Variants in HERC3 observed in about 807,000 individuals in gnomAD.
The protein encoded by HERC3 is HECT and RLD domain containing E3 ubiquitin protein ligase 3.
In HERC3, 58 loss-of-function variants were observed where a neutral mutation model predicts 129.9. The ratio of observed to expected loss-of-function variants is 0.45; its 90% CI spans 0.36 to 0.56. The LOEUF is 0.56. HERC3 is among the 20% of genes least tolerant of loss of function. The pLI, the probability that HERC3 is intolerant of heterozygous loss-of-function variation, is 0.00. For missense variants in HERC3, 835 were observed against 1,244.2 expected, an observed-to-expected ratio of 0.67 and a Z score of 4.95; for synonymous variants, 430 against 451.0, an observed-to-expected ratio of 0.95 and a Z score of 0.59.
At chr4:88,680,596 T>C (rs181172764) in intron 20 of HERC3, among the ~76,000 whole-genome samples, 4 of 152,362 alleles carry the variant, frequency 2.6e-5, no homozygotes, top group African/African-American at 9.6e-5. Flanking sequence ...CACATGTGCA[T>C]GCACACTTTA....
intron 7 of HERC3, among the ~76,000 whole-genome samples, chr4:88,654,402 AAT>A: frequency 7.0e-6 from 1 of 143,172 alleles, no homozygotes; most frequent in South Asian, 2.2e-4. Flanking sequence ...ACACACACAT[AAT>A]GTAGATTATA....
chr4:88,613,517 G>C (rs1724577944), intron 3 of HERC3, among the ~76,000 whole-genome samples: 1 of 152,190 alleles, frequency 6.6e-6, no homozygotes, highest in South Asian at 2.1e-4. Flanking sequence ...TTCTAACCAT[G>C]GTAGAAGTAA....
chr4:88,544,436 T>C, the HERC3 span, among the ~76,000 whole-genome samples: 4 of 152,172 alleles, frequency 2.6e-5, no homozygotes, highest in African/African-American at 9.7e-5. Context: ...CTGGAGAGGA[T>C]GTGGAGAAAT....
rs1731219639 is a variant in HERC3 at position 88,667,989 on chromosome 4, C to T, written c.1541C>T (p.Pro514Leu). The T allele has an allele frequency of 6.2e-7, 1 of 1,612,494 alleles. No homozygotes were observed. Among genetic ancestry groups the T allele is most frequent in the Non-Finnish European group, 8.5e-7 (1 of 1,178,578 alleles). Residue 514 changes from proline (P) to leucine (L), a missense_variant, in exon 14 of 26, where the codon CCC becomes CTC. By Grantham distance (98) the Pro-to-Leu change is moderately conservative. Transcript: ENST00000402738. The part of the protein sequence containing the change: ...MRIYLILPEF[P>L]LLQDSKYYIT... ...ATCTATTTAATACTACCTGAGTTTC[C>T]CCTACTCCAGGATTCCAAGTATTAT... is the stretch of plus-strand genomic sequence containing the variant.
chr4:88,620,375 GT>G (rs1238922710), intron 3 of HERC3, among the ~76,000 whole-genome samples: 2 of 152,092 alleles, frequency 1.3e-5, no homozygotes, highest in Non-Finnish European at 2.9e-5. Context: ...CCTTAAACCT[GT>G]TTCTTACCCT....
chr4:88,622,479 C>T (rs1478448094), intron 3 of HERC3, among the ~76,000 whole-genome samples: 6 of 152,122 alleles, frequency 3.9e-5, no homozygotes, highest in Admixed American at 6.5e-5. Context: ...CACATGTTTT[C>T]ATTTCTCCTA....
At chr4:88,667,176 ATTC>A (rs1309497733) in intron 12 of HERC3, among the ~76,000 whole-genome samples, 198 bp from the exon 13 acceptor site, 1 of 152,216 alleles carries the variant, frequency 6.6e-6, no homozygotes, top group Admixed American at 6.5e-5. Flanking sequence ...AGTGTGGTTT[ATTC>A]TTTGTGAAAG....
the HERC3 span, among the ~76,000 whole-genome samples, chr4:88,538,545 C>CTTT: frequency 3.9e-5 from 5 of 129,806 alleles, no homozygotes; most frequent in Non-Finnish European, 6.4e-5. Flanking sequence ...CCAATTTCCT[C>CTTT]TTTTTTTTTT....
chr4:88,561,576 C>A, the HERC3 span, among the ~76,000 whole-genome samples: 1 of 152,050 alleles, frequency 6.6e-6, no homozygotes, highest in African/African-American at 2.4e-5. Context: ...ACTGTAATCA[C>A]CCTGTTGTGC....
chr4:88,621,095 G>A (rs1725463195), intron 3 of HERC3, among the ~76,000 whole-genome samples: 1 of 152,054 alleles, frequency 6.6e-6, no homozygotes, highest in African/African-American at 2.4e-5. Flanking sequence ...GTGGCACATA[G>A]TGAGTGCAGC....
chr4:88,634,251 A>G (rs535279630), intron 3 of HERC3, among the ~76,000 whole-genome samples: 15 of 152,216 alleles, frequency 9.9e-5, no homozygotes, highest in Non-Finnish European at 1.8e-4. Context: ...TCGTGAGCCC[A>G]TGCTACTGGG....
At chr4:88,597,002 GTTTA>G (rs957823710) in intron 2 of HERC3, among the ~76,000 whole-genome samples, 6 of 152,190 alleles carry the variant, frequency 3.9e-5, no homozygotes, top group Admixed American at 3.3e-4. Flanking sequence ...TATAGATGGA[GTTTA>G]TTTTTTACTG....
chr4:88,542,737 C>T, the HERC3 span, among the ~76,000 whole-genome samples: 1 of 152,178 alleles, frequency 6.6e-6, no homozygotes, highest in African/African-American at 2.4e-5. Flanking sequence ...AGCTTATCCA[C>T]CATGATCAAC....
At chr4:88,526,647 G>T in the HERC3 span, among the ~76,000 whole-genome samples, 1 of 151,956 alleles carries the variant, frequency 6.6e-6, no homozygotes, top group Non-Finnish European at 1.5e-5. Flanking sequence ...AGCAATCCTG[G>T]CATGTCAGCC....
Position 88,708,130 on chromosome 4 carries a change from G to A in HERC3, c.*1170G>A, listed in dbSNP as rs994400037. 5 of 152,100 alleles carry A rather than the reference G, an allele frequency of 3.3e-5. No individual in the cohort carries two copies. Among genetic ancestry groups the A allele is most frequent in the East Asian group, 3.9e-4 (2 of 5,176 alleles). 9.4% of individuals were successfully genotyped at this position (152,100 alleles called of 1,614,324 possible). A position where few individuals can be genotyped will look rare whatever the true frequency, so the allele number is the denominator to read the frequency against. On this transcript the variant is annotated 3_prime_UTR_variant, in exon 26 of 26. Transcript: ENST00000402738. ...TTTATTATGAAACTTTATCACATTC[G>A]AAATGTTTGTTTACAGTGGGATTTT...
At chr4:88,636,751 A>G (rs1727453697) in intron 3 of HERC3, among the ~76,000 whole-genome samples, 1 of 152,222 alleles carries the variant, frequency 6.6e-6, no homozygotes, top group Non-Finnish European at 1.5e-5. Flanking sequence ...AGTAAAACAC[A>G]CCTCAGCAAA....
chr4:88,557,769 A>G, the HERC3 span, among the ~76,000 whole-genome samples: 1 of 152,188 alleles, frequency 6.6e-6, no homozygotes, highest in Non-Finnish European at 1.5e-5. Context: ...AAGAACTAAA[A>G]GTGGATGCTG....
At chr4:88,573,149 A>T in the HERC3 span, among the ~76,000 whole-genome samples, 6 of 152,388 alleles carry the variant, frequency 3.9e-5, no homozygotes, top group African/African-American at 1.4e-4. Context: ...TTGTTCAGAA[A>T]GAGAAACAGC....
chr4:88,538,031 A>G, the HERC3 span, among the ~76,000 whole-genome samples: 2 of 152,226 alleles, frequency 1.3e-5, no homozygotes, highest in Admixed American at 1.3e-4. Context: ...TTGGTGTTAA[A>G]TCTGTGAGTC....
Sources: gnomAD v4.1 joint callset for allele counts (sites outside exome capture counted in the v4.1 genomes callset) on GRCh38, gnomAD v4.1.1 for gene constraint, MANE v1.5 for transcripts, NCBI Gene and HGNC (gene_info 2026-07-23, HGNC 2026-07-21) for gene names.